Variants in TIAM1 observed in about 807,000 individuals in gnomAD.
TIAM1 encodes the protein TIAM Rac1 associated GEF 1.
Under a neutral mutation model 163.5 loss-of-function variants are expected in TIAM1, and 65 were observed. That is an observed-to-expected ratio of 0.40 (90% CI 0.33 to 0.49). TIAM1 has a LOEUF of 0.49. Among genes scored for constraint, TIAM1 ranks in the 20% least tolerant of loss-of-function variants. The probability of loss-of-function intolerance (pLI) is 0.77; values close to 1 mark genes in which losing one functional copy is unlikely to be tolerated. For missense variants in TIAM1, 1,789 were observed against 2,044.7 expected, an observed-to-expected ratio of 0.87 and a Z score of 2.41; for synonymous variants, 833 against 810.1, an observed-to-expected ratio of 1.03 and a Z score of -0.48.
intron 2 of TIAM1, among the ~76,000 whole-genome samples, chr21:31,296,694 C>T (rs749637234): frequency 2.0e-5 from 3 of 151,732 alleles, no homozygotes; most frequent in Non-Finnish European, 2.9e-5. Flanking sequence ...GACAGAGTCT[C>T]GCTCTGTCAC....
In TIAM1 at chr21:31,217,676, A is replaced by T. The variant is rs768604177; in HGVS notation, c.2019T>A (p.Thr673=). 2.5e-6 allele frequency: 4 copies of T among 1,613,696 alleles called. No homozygotes were observed. Among genetic ancestry groups the T allele is most frequent in the South Asian group, 1.1e-5 (1 of 90,954 alleles). Residue 673 remains threonine (T), a synonymous_variant, in exon 9 of 28, where the codon ACT becomes ACA. Transcript: ENST00000541036. ...TGGCCTGAGTACGTCTTCTCACTCCAGTTTCACCAGTGCGTGCTGCCACCT... is the reference window on the plus strand; with the variant it reads ...TGGCCTGAGTACGTCTTCTCACTCCTGTTTCACCAGTGCGTGCTGCCACCT... ...HALVAARTGE[T]GVRRRTQAMS...
In TIAM1 at chr21:31,134,097, G is replaced by A. The variant is rs146041589; in HGVS notation, c.3883+1836C>T. Among the ~76,000 whole-genome samples the A allele has an allele frequency of 4.7e-3, 720 of 151,960 alleles. 2 individuals carry two copies. The highest frequency in any genetic ancestry group is 0.016 in the African/African-American group (671 of 41,474). On this transcript the variant is annotated intron_variant, in intron 23 of 27. Transcript: ENST00000541036. Reference sequence around the variant, plus strand: ...AAAAACCAAAAAAACAAAACAAAACGAAACAGAAAAGAGTTTGCCAACCCA... The same window carrying A: ...AAAAACCAAAAAAACAAAACAAAACAAAACAGAAAAGAGTTTGCCAACCCA...
At chr21:31,485,933 T>C (rs962123104) in intron 1 of TIAM1, among the ~76,000 whole-genome samples, 4 of 152,314 alleles carry the variant, frequency 2.6e-5, no homozygotes, top group Admixed American at 2.6e-4. Flanking sequence ...CCTTTCCTCT[T>C]AGCTCTACGC....
intron 2 of TIAM1, among the ~76,000 whole-genome samples, chr21:31,401,046 A>G (rs550301838): frequency 1.3e-5 from 2 of 152,238 alleles, no homozygotes; most frequent in South Asian, 4.2e-4. Context: ...GGGCAACAAG[A>G]GCAAACTTCA....
At chr21:31,295,436 T>C (rs138598700) in intron 2 of TIAM1, among the ~76,000 whole-genome samples, 5,314 of 134,414 alleles carry the variant, frequency 0.04, 194 homozygotes, top group African/African-American at 0.1. Flanking sequence ...CGCCACTGCA[T>C]TCCAGCCTGG....
chr21:31,305,889 G>A (rs2074690764), intron 2 of TIAM1, among the ~76,000 whole-genome samples: 1 of 151,952 alleles, frequency 6.6e-6, no homozygotes, highest in African/African-American at 2.4e-5. Flanking sequence ...GGAGCCAGAA[G>A]GTGTCTGCTC....
intron 2 of TIAM1, among the ~76,000 whole-genome samples, chr21:31,377,524 T>C (rs1602132312): frequency 6.6e-6 from 1 of 152,006 alleles, no homozygotes; most frequent in East Asian, 1.9e-4. Context: ...AGCCCAAGAG[T>C]GGGCTCATTC....
At chr21:31,385,707 C>G (rs1401762764) in intron 2 of TIAM1, among the ~76,000 whole-genome samples, 1 of 133,438 alleles carries the variant, frequency 7.5e-6, no homozygotes, top group Non-Finnish European at 1.6e-5. Flanking sequence ...ATATACTGCA[C>G]TGGAAGATTT....
At chr21:31,487,552 GT>G (rs2046314463) in intron 1 of TIAM1, among the ~76,000 whole-genome samples, 1 of 45,872 alleles carries the variant, frequency 2.2e-5, no homozygotes, top group Non-Finnish European at 4.2e-5. Context: ...TTTTTTTTTT[GT>G]ATTTTTTTTT....
chr21:31,381,531 G>A (rs1013866277), intron 2 of TIAM1, among the ~76,000 whole-genome samples: 1 of 152,160 alleles, frequency 6.6e-6, no homozygotes, highest in African/African-American at 2.4e-5. Context: ...AGCTGGGCAT[G>A]ATGGTACACG....
At chr21:31,417,784 C>T (rs371956619) in intron 2 of TIAM1, among the ~76,000 whole-genome samples, 2 of 152,208 alleles carry the variant, frequency 1.3e-5, no homozygotes, top group African/African-American at 4.8e-5. Flanking sequence ...GACAGTCTCG[C>T]TGAAAAAGAA....
At chr21:31,365,344 AG>A (rs1444480822) in intron 2 of TIAM1, among the ~76,000 whole-genome samples, 5 of 150,956 alleles carry the variant, frequency 3.3e-5, no homozygotes, top group African/African-American at 1.2e-4. Context: ...AATGGGATAT[AG>A]GAAGCACCTG....
At chr21:31,138,118 C>T (rs1355438732) in intron 22 of TIAM1, among the ~76,000 whole-genome samples, 2 of 151,908 alleles carry the variant, frequency 1.3e-5, no homozygotes, top group African/African-American at 2.4e-5. Flanking sequence ...GGGAGGCCTC[C>T]ACCTTACTAA....
chr21:31,415,157 C>A (rs577297901), intron 2 of TIAM1, among the ~76,000 whole-genome samples: 35 of 152,198 alleles, frequency 2.3e-4, no homozygotes, highest in Non-Finnish European at 4.9e-4. Context: ...TCTTACCCAA[C>A]GGCCCCAAAG....
intron 2 of TIAM1, among the ~76,000 whole-genome samples, chr21:31,336,236 G>C (rs2147080787): frequency 6.6e-6 from 1 of 152,334 alleles, no homozygotes; most frequent in African/African-American, 2.4e-5. Flanking sequence ...GGGGACAAAA[G>C]ATGCTTGACA....
intron 1 of TIAM1, among the ~76,000 whole-genome samples, chr21:31,544,280 G>T (rs2048416045): frequency 6.6e-6 from 1 of 151,248 alleles, no homozygotes; most frequent in Non-Finnish European, 1.5e-5. Context: ...CAGCACTTTG[G>T]GAGGCCCAGG....
chr21:31,175,829 C>T (rs1456948956), intron 15 of TIAM1, among the ~76,000 whole-genome samples: 2 of 152,120 alleles, frequency 1.3e-5, no homozygotes, highest in Non-Finnish European at 2.9e-5. Context: ...GAACTCCTGA[C>T]CTTAGGTGAT....
intron 1 of TIAM1, among the ~76,000 whole-genome samples, chr21:31,522,890 T>A (rs954567804): frequency 2.6e-5 from 4 of 152,250 alleles, no homozygotes; most frequent in Non-Finnish European, 4.4e-5. Context: ...CTACCCCGTA[T>A]TTCAATGTCA....
chr21:31,306,667 T>A (rs1395543891), intron 2 of TIAM1, among the ~76,000 whole-genome samples: 1 of 152,132 alleles, frequency 6.6e-6, no homozygotes, highest in Non-Finnish European at 1.5e-5. Context: ...TGAGAAAACA[T>A]CTGGGCAAAC....
Sources: allele counts gnomAD v4.1 joint callset (sites outside exome capture counted in the v4.1 genomes callset), GRCh38; gene constraint gnomAD v4.1.1; transcripts MANE v1.5; gene names NCBI Gene and HGNC (gene_info 2026-07-23, HGNC 2026-07-21).